PDSS2: variants seen among roughly 807,000 people sequenced by gnomAD.
PDSS2 encodes all trans-polyprenyl-diphosphate synthase PDSS2.
Under a neutral mutation model 44.5 loss-of-function variants are expected in PDSS2, and 31 were observed. The ratio of observed to expected loss-of-function variants is 0.70; its 90% confidence interval spans 0.52 to 0.94. The LOEUF (loss-of-function observed/expected upper bound fraction) is 0.94. Among genes scored for constraint, PDSS2 ranks in the 40% least tolerant of loss-of-function variants. PDSS2 has a pLI of 0.00. For synonymous variants in PDSS2, 157 were observed against 180.3 expected, an observed-to-expected ratio of 0.87 and a Z score of 1.03; for missense variants, 452 against 482.2, an observed-to-expected ratio of 0.94 and a Z score of 0.59.
intron 1 of PDSS2, among the ~76,000 whole-genome samples, chr6:107,454,325 G>A (rs1781966600): frequency 6.6e-6 from 1 of 152,016 alleles, no homozygotes; most frequent in Non-Finnish European, 1.5e-5. Flanking sequence ...TGGGATTGCA[G>A]GTGTGAACCA....
intron 1 of PDSS2, among the ~76,000 whole-genome samples, chr6:107,453,359 A>G (rs1025997073): frequency 1.3e-5 from 2 of 152,080 alleles, no homozygotes; most frequent in African/African-American, 4.8e-5. Flanking sequence ...CAAATAATCC[A>G]TTTTACATTG....
chr6:107,379,806 T>C (rs974342893), intron 1 of PDSS2, among the ~76,000 whole-genome samples: 4 of 152,116 alleles, frequency 2.6e-5, no homozygotes, highest in Non-Finnish European at 4.4e-5. Context: ...ATGAAATTTA[T>C]TTTACTGCCA....
chr6:107,267,209 T>C (rs541910098), intron 3 of PDSS2, among the ~76,000 whole-genome samples: 16 of 152,192 alleles, frequency 1.1e-4, no homozygotes, highest in Non-Finnish European at 2.1e-4. Context: ...TGGACCTAGG[T>C]ACTATCAAGG....
chr6:107,454,286 A>T (rs1443063023), intron 1 of PDSS2, among the ~76,000 whole-genome samples: 1 of 152,156 alleles, frequency 6.6e-6, no homozygotes, highest in African/African-American at 2.4e-5. Flanking sequence ...GAGCTCAAGC[A>T]ATCTGCCTAC....
chr6:107,384,635 C>CT (rs770891268), intron 1 of PDSS2, among the ~76,000 whole-genome samples: 1 of 149,772 alleles, frequency 6.7e-6, no homozygotes. Context: ...AAGTGAGACT[C>CT]TGTCTCAAAA....
At chr6:107,259,531 CG>C (rs1775141616) in intron 3 of PDSS2, among the ~76,000 whole-genome samples, 1 of 151,930 alleles carries the variant, frequency 6.6e-6, no homozygotes, top group African/African-American at 2.4e-5. Flanking sequence ...AAAAATTAGC[CG>C]GGCGTGGTGG....
intron 4 of PDSS2, among the ~76,000 whole-genome samples, chr6:107,218,591 T>C (rs1052058477): frequency 7.2e-5 from 11 of 152,232 alleles, no homozygotes; most frequent in African/African-American, 2.2e-4. Context: ...AGACTATAAG[T>C]TCCATGAAAG....
intron 1 of PDSS2, among the ~76,000 whole-genome samples, chr6:107,392,386 A>T (rs555276901): frequency 1.3e-3 from 205 of 152,298 alleles, no homozygotes; most frequent in Non-Finnish European, 1.7e-3. Context: ...GGCTTTAAAA[A>T]TTTTTTTAAA....
intron 5 of PDSS2, among the ~76,000 whole-genome samples, chr6:107,211,661 C>T (rs1196465479): frequency 1.4e-5 from 2 of 146,778 alleles, no homozygotes; most frequent in African/African-American, 5.1e-5. Context: ...ACCTGGGAGG[C>T]AGAGGTTGCG....
chr6:107,189,349 AT>A (rs1416120894), intron 7 of PDSS2, among the ~76,000 whole-genome samples: 1 of 151,186 alleles, frequency 6.6e-6, no homozygotes, highest in African/African-American at 2.4e-5. Context: ...TTTTCTTTTT[AT>A]TTTTTTAGAC....
chr6:107,205,923 T>C (rs1310485668), intron 6 of PDSS2, among the ~76,000 whole-genome samples: 1 of 152,198 alleles, frequency 6.6e-6, no homozygotes, highest in Admixed American at 6.5e-5. Context: ...ATTCTCAGTC[T>C]TTCCAAGCAG....
At chr6:107,184,131 G>A (rs1464635571) in intron 7 of PDSS2, among the ~76,000 whole-genome samples, 1 of 152,126 alleles carries the variant, frequency 6.6e-6, no homozygotes, top group Non-Finnish European at 1.5e-5. Flanking sequence ...AAAGTCCCAG[G>A]GTAGGAGATG....
chr6:107,442,701 C>A (rs1441452134), intron 1 of PDSS2, among the ~76,000 whole-genome samples: 1 of 152,198 alleles, frequency 6.6e-6, no homozygotes, highest in Non-Finnish European at 1.5e-5. Context: ...CAACATACTT[C>A]TGCTAGTATC....
At chr6:107,213,634 G>C (rs9400107) in intron 4 of PDSS2, among the ~76,000 whole-genome samples, 69,678 of 151,790 alleles carry the variant, frequency 0.46, 16,584 homozygotes, top group East Asian at 0.69. Flanking sequence ...GCAGGTGCCT[G>C]TAATCCCAGC....
At chr6:107,414,989 C>G (rs544087701) in intron 1 of PDSS2, among the ~76,000 whole-genome samples, 1 of 152,238 alleles carries the variant, frequency 6.6e-6, no homozygotes, top group South Asian at 2.1e-4. Flanking sequence ...CATAGAATCT[C>G]AACTCAATGA....
chr6:107,213,098 C>T (rs1243944571), intron 4 of PDSS2, among the ~76,000 whole-genome samples: 1 of 151,978 alleles, frequency 6.6e-6, no homozygotes, highest in Non-Finnish European at 1.5e-5. Flanking sequence ...CAGCCTTGAC[C>T]TCCCGGGCTC....
intron 2 of PDSS2, among the ~76,000 whole-genome samples, chr6:107,325,634 G>T (rs766681389): frequency 1.6e-4 from 25 of 152,058 alleles, no homozygotes; most frequent in Non-Finnish European, 3.2e-4. Context: ...TGGTCAAAGA[G>T]GCCAAAGGAT....
chr6:107,316,976 A>G (rs1390745201), intron 2 of PDSS2, among the ~76,000 whole-genome samples: 1 of 152,202 alleles, frequency 6.6e-6, no homozygotes, highest in African/African-American at 2.4e-5. Context: ...ATAATACAAA[A>G]ACAAGTTATA....
chr6:107,350,626 T>C (rs759447109), intron 1 of PDSS2, among the ~76,000 whole-genome samples: 1 of 151,942 alleles, frequency 6.6e-6, no homozygotes, highest in Non-Finnish European at 1.5e-5. Context: ...AATAGTGAGA[T>C]CTCATCTCTA....
Sources: gnomAD v4.1 joint callset for allele counts (sites outside exome capture counted in the v4.1 genomes callset) on GRCh38, gnomAD v4.1.1 for gene constraint, MANE v1.5 for transcripts, NCBI Gene and HGNC (gene_info 2026-07-23, HGNC 2026-07-21) for gene names.